The following ADCY4 variants were observed in gnomAD, a reference collection of about 807,000 sequenced individuals.
The protein encoded by ADCY4 is adenylate cyclase type 4.
ADCY4 carries 111 observed loss-of-function variants against 125.5 expected under a neutral mutation model. The observed-to-expected ratio is 0.88, with a 90% confidence interval of 0.76 to 1.04. The LOEUF is 1.04. ADCY4 is among the 50% of genes least tolerant of loss of function. ADCY4 has a pLI of 0.00. For synonymous variants in ADCY4, 576 were observed against 586.9 expected (o/e 0.98, Z 0.27); for missense variants, 1,256 against 1,382.9 (o/e 0.91, Z 1.46).
chr14:24,333,735 G>C (rs1474351491), intron 1 of ADCY4, among the ~76,000 whole-genome samples: 3 of 152,206 alleles, frequency 2.0e-5, no homozygotes, highest in Non-Finnish European at 4.4e-5. Context: ...GAGATTCCCG[G>C]AGCCGGGGAC....
Position 24,329,924 on chromosome 14 carries a change from G to A in ADCY4, c.1153C>T (p.Gln385Ter), listed in dbSNP as rs371714391. 2 of 1,613,962 alleles carry A rather than the reference G, an allele frequency of 1.2e-6. No individual in the cohort carries two copies. The highest frequency in any genetic ancestry group is 2.7e-5 in the African/African-American group (2 of 74,904). The change falls in exon 8 of 25, where the codon CAG (glutamine) becomes TAG (stop). Residue 385 changes from glutamine (Q) to a stop codon, truncating the protein, a stop_gained. Transcript: ENST00000418030. LOFTEE classifies it high-confidence loss of function. ...ACATCATGTGACCAAACGTCGTACT[G>A]CCACTTCTGCAGCCCGATGACTCCA... ...LCGVIGLQKW[Q>*]YDVWSHDVTL...
In ADCY4 at chr14:24,330,163, C is replaced by T; in HGVS notation, c.1058+5G>A. On this transcript the variant is annotated splice_donor_5th_base_variant and intron_variant, in intron 7 of 24. Coordinates refer to ENST00000418030, the MANE Select transcript of ADCY4 (RefSeq NM_001198568.2). ...GCATTCCTCTTGACCACCGCCTGAG[C>T]TGACCTGATGGCCCGGCACATGTCC... is the stretch of plus-strand genomic sequence containing the variant. 1.2e-6 allele frequency: 2 copies of T among 1,613,336 alleles called. No individual in the cohort carries two copies. The highest frequency in any genetic ancestry group is 2.2e-5 in the East Asian group (1 of 44,860).
In ADCY4 at chr14:24,325,444, A is replaced by G. The variant is rs1459766282; in HGVS notation, c.1756T>C (p.Tyr586His). The G allele has an allele frequency of 5.0e-6, 8 of 1,613,768 alleles. No individual in the cohort carries two copies. Among genetic ancestry groups the G allele is most frequent in the South Asian group, 3.3e-5 (3 of 91,066 alleles). ...YRLSAIPAFK[Y>H]YEACTFLVFL... ...ACCAGGAAGGTGCAGGCTTCATAGT[A>G]TTTGAAGGCGGGGATTGCAGAGAGT... The change falls in exon 14 of 25, where the codon TAC becomes CAC. Residue 586 changes from tyrosine (Y) to histidine (H), a missense_variant. Physicochemically the swap from Tyr to His is moderately conservative, Grantham distance 83. Transcript: ENST00000418030.
chr14:24,321,753 C>G, intron 20 of ADCY4: 3 of 1,052,924 alleles, frequency 2.8e-6, no homozygotes, highest in Non-Finnish European at 3.5e-6. Flanking sequence ...AGGTCATGGA[C>G]TAGTATCAGT....
Position 24,325,370 on chromosome 14 carries a change from C to T in ADCY4, c.1823+7G>A. On this transcript the variant is annotated splice_region_variant and intron_variant, in intron 14 of 24. Coordinates refer to ENST00000418030, the MANE Select transcript of ADCY4 (RefSeq NM_001198568.2). ...GCCAGGGCCTCCTTTGCCTGGGGCACTCTCACCTGTTTGTCACTAGCATCT... is the reference window on the plus strand; with the variant it reads ...GCCAGGGCCTCCTTTGCCTGGGGCATTCTCACCTGTTTGTCACTAGCATCT... 1.2e-6 allele frequency: 2 copies of T among 1,612,488 alleles called. No homozygotes were observed. The highest frequency in any genetic ancestry group is 2.2e-5 in the South Asian group (2 of 91,058).
At chr14:24,332,084 A>T in intron 3 of ADCY4, 147 bp from the exon 4 acceptor site, 1 of 1,057,108 alleles carries the variant, frequency 9.5e-7, no homozygotes, top group Non-Finnish European at 1.3e-6. Flanking sequence ...ACACTGTGGC[A>T]TCCCTAGGGA....
chr14:24,326,488 G>A (rs1469110545), intron 10 of ADCY4, 146 bp from the exon 11 acceptor site: 26 of 929,782 alleles, frequency 2.8e-5, no homozygotes, highest in Admixed American at 8.7e-5. Flanking sequence ...TGACCTCTCT[G>A]TCTCCCAAAT....
chr14:24,329,452 G>T lies in ADCY4; in HGVS notation c.1299C>A (p.Asp433Glu), dbSNP rs772097969. ...GCTCCCCTAGCTCCCGAAGGTAGGG[G>T]TCCCGATGCTCCATGCCTGCGTCCT... The part of the protein sequence containing the change: ...AVEDAGMEHR[D>E]PYLRELGEPT... The change falls in exon 9 of 25, where the codon GAC (aspartate) becomes GAA (glutamate). Residue 433 changes from aspartate (D) to glutamate (E), a missense_variant. Transcript: ENST00000418030. The T allele has an allele frequency of 6.3e-7, 1 of 1,581,000 alleles. No individual in the cohort carries two copies. Among genetic ancestry groups the T allele is most frequent in the Non-Finnish European group, 8.6e-7 (1 of 1,166,518 alleles).
In ADCY4 at chr14:24,334,644, G is replaced by A; in HGVS notation, c.9C>T (p.Arg3=). The A allele has an allele frequency of 6.5e-7, 1 of 1,547,508 alleles. No homozygotes were observed. Residue 3 remains arginine (R), a synonymous_variant, in exon 1 of 25, where the codon CGC becomes CGT. Transcript: ENST00000418030. ...TGGGGGGCGGCCGGGGGCTGAAGAG[G>A]CGGGCCATGATCTCCCCAGCCCCGA... is the stretch of plus-strand genomic sequence containing the variant. MA[R]LFSPRPPPSE...
intron 13 of ADCY4, among the ~76,000 whole-genome samples, 172 bp from the exon 14 acceptor site, chr14:24,325,646 A>G (rs1295337132): frequency 6.7e-6 from 1 of 149,378 alleles, no homozygotes. Context: ...TCCCCCTACC[A>G]TCTAGTAGCT....
rs2041807165 is a variant in ADCY4 at position 24,318,731 on chromosome 14, G to T, written c.3004C>A (p.Pro1002Thr). Residue 1002 changes from proline to threonine, a missense_variant, in exon 24 of 25, where the codon CCG (proline) becomes ACG (threonine). Transcript: ENST00000418030. ...VVAGVIGAQK[P>T]QYDIWGNTVN... is the part of the protein sequence containing the mutation. ...GTGTTGCCCCAAATGTCATATTGCG[G>T]CTTCTGGGCCCCAATAACTCCAGCT... The T allele has an allele frequency of 6.2e-7, 1 of 1,614,162 alleles. No homozygotes were observed. Among genetic ancestry groups the T allele is most frequent in the Admixed American group, 1.7e-5 (1 of 60,020 alleles).
chr14:24,320,118 C>T lies in ADCY4; in HGVS notation c.2587-230G>A, dbSNP rs139403672. Among the ~76,000 whole-genome samples, 557 of 152,302 alleles carry T rather than the reference C, an allele frequency of 3.7e-3. 1 individual carries two copies. The highest frequency in any genetic ancestry group is 0.012 in the African/African-American group (519 of 41,554). The stretch of plus-strand genomic sequence containing the variant: ...GACAGAGGTTTGGCGTTAGGATCAC[C>T]TCACAGCAACACGAAGGGAGTCACT... On this transcript the variant is annotated intron_variant, in intron 20 of 24. Transcript: ENST00000418030.
In ADCY4 at chr14:24,330,192, C is replaced by T; in HGVS notation, c.1034G>A (p.Gly345Asp). The change falls in exon 7 of 25, where the codon GGC becomes GAC. Residue 345 changes from glycine to aspartate, a missense_variant. Transcript: ENST00000418030. Reference sequence around the variant, plus strand: ...CCTGATGGCCCGGCACATGTCCAGGCCCATGCGCACGCAGTTGATGGCATG... The same window carrying T: ...CCTGATGGCCCGGCACATGTCCAGGTCCATGCGCACGCAGTTGATGGCATG... Reference protein sequence around the residue: ...PDHAINCVRMGLDMCRAIRKL... With the variant: ...PDHAINCVRMDLDMCRAIRKL... 1 of 1,614,154 alleles carries T rather than the reference C, an allele frequency of 6.2e-7. No homozygotes were observed. Among genetic ancestry groups the T allele is most frequent in the South Asian group, 1.1e-5 (1 of 91,088 alleles).
At chr14:24,332,432 T>TGAC (rs2042056204) in intron 3 of ADCY4, 90 bp downstream of exon 3, 1 of 1,424,628 alleles carries the variant, frequency 7.0e-7, no homozygotes, top group African/African-American at 1.4e-5. Context: ...CACCTTGACT[T>TGAC]GGAGTCACAG....
chr14:24,331,952 C>A lies in ADCY4; in HGVS notation c.520-15G>T. The A allele has an allele frequency of 1.3e-6, 2 of 1,547,422 alleles. No homozygotes were observed. Among genetic ancestry groups the A allele is most frequent in the East Asian group, 2.3e-5 (1 of 42,598 alleles). On this transcript the variant is annotated splice_polypyrimidine_tract_variant and intron_variant, in intron 3 of 24. Coordinates refer to ENST00000418030, the MANE Select transcript of ADCY4 (RefSeq NM_001198568.2). The stretch of plus-strand genomic sequence containing the variant: ...TTTGCTGCCAACTGTGGGTGAAGGC[C>A]AGCCTCAGAGGGCGCGGGACCCGGG...
At chr14:24,320,867 A>G (rs1463602276) in intron 20 of ADCY4, among the ~76,000 whole-genome samples, 2 of 152,198 alleles carry the variant, frequency 1.3e-5, no homozygotes, top group African/African-American at 4.8e-5. Flanking sequence ...TTAAAATTTC[A>G]TATGGCTAAT....
chr14:24,329,532 G>T lies in ADCY4; in HGVS notation c.1219C>A (p.Arg407=). 2.0e-6 allele frequency: 3 copies of T among 1,521,266 alleles called. No homozygotes were observed. The highest frequency in any genetic ancestry group is 1.3e-5 in the South Asian group (1 of 76,450). 94.2% of individuals were successfully genotyped at this position (1,521,266 alleles called of 1,614,324 possible). ...AGGGTAGCCCCTGTGATGTGCACTC[G>T]CCTGGAAGGAGGGAGGCAGTAGGGG... ...NHMEAGGVPG[R]VHITGATLAL... Residue 407 remains arginine, a splice_region_variant and synonymous_variant, in exon 9 of 25, where the codon CGA becomes AGA. Transcript: ENST00000418030.
chr14:24,332,144 A>C, intron 3 of ADCY4: 1 of 560,996 alleles, frequency 1.8e-6, no homozygotes, highest in Non-Finnish European at 2.8e-6. Flanking sequence ...CTGCTTCACC[A>C]ACACGACCTC....
rs61998518 is a variant in ADCY4, at chr14:24,329,187, C to T, written c.1398G>A (p.Ser466=). The T allele has an allele frequency of 1.1e-3, 1,750 of 1,613,886 alleles. 4 individuals are homozygous for T. The highest frequency in any genetic ancestry group is 1.8e-3 in the Middle Eastern group (11 of 6,038). Residue 466 remains serine, a synonymous_variant, in exon 10 of 25, where the codon TCG becomes TCA. Coordinates refer to ENST00000418030, the MANE Select transcript of ADCY4 (RefSeq NM_001198568.2). ...ATGGACGCATCTTGAGGCCCTCAAG[C>T]GAGGACAGCAAGCCTCCTGCAGTGC... ...EKGTAGGLLS[S]LEGLKMRPSL...
Sources: allele counts gnomAD v4.1 joint callset (sites outside exome capture counted in the v4.1 genomes callset), GRCh38; gene constraint gnomAD v4.1.1; transcripts MANE v1.5; gene names NCBI Gene and HGNC (gene_info 2026-07-23, HGNC 2026-07-21).